The following TGFB1 variants were observed in gnomAD, a reference collection of about 807,000 sequenced individuals.
The protein encoded by TGFB1 is transforming growth factor beta-1 proprotein.
TGFB1 carries 19 observed loss-of-function variants against 43.8 expected under a neutral mutation model. That is an observed-to-expected ratio of 0.43 (90% confidence interval 0.30 to 0.64). The LOEUF (loss-of-function observed/expected upper bound fraction) is 0.64, where lower values mean the gene tolerates loss of function less well. Among genes scored for constraint, TGFB1 ranks in the 30% least tolerant of loss-of-function variants. TGFB1 has a pLI of 0.11. For missense variants in TGFB1, 445 were observed against 529.8 expected (o/e 0.84, Z 1.57); for synonymous variants, 221 against 236.3 (o/e 0.94, Z 0.60).
At chr19:41,352,354 C>G (rs1296084147) in intron 1 of TGFB1, among the ~76,000 whole-genome samples, 1 of 114,488 alleles carries the variant, frequency 8.7e-6, no homozygotes, top group African/African-American at 3.5e-5. Flanking sequence ...CCCCCCCCCC[C>G]ATTCAACGCG....
At position 41,341,859 on chromosome 19, in the gene TGFB1, CTCCA is replaced by C. The variant is rs1234076816; in HGVS notation, c.860+20_860+23del. On this transcript the variant is annotated intron_variant, in intron 5 of 6. Transcript: ENST00000221930. Reference sequence around the variant, plus strand: ...CAGTCATGCCCCCAGCCTGGAAGGCCTCCATCCAGGCTACAAGGCTCACCTGAAG... The same window carrying C: ...CAGTCATGCCCCCAGCCTGGAAGGCCTCCAGGCTACAAGGCTCACCTGAAG... The C allele has an allele frequency of 6.2e-7, 1 of 1,612,522 alleles. No individual in the cohort carries two copies. The highest frequency in any genetic ancestry group is 1.1e-5 in the South Asian group (1 of 91,006).
At chr19:41,348,540 C>T (rs2038144447) in intron 1 of TGFB1, 85 bp from the exon 2 acceptor site, 6 of 1,370,800 alleles carry the variant, frequency 4.4e-6, no homozygotes, top group East Asian at 2.4e-5. Flanking sequence ...AGTTTTGGAG[C>T]TGACAGCTCT....
Position 41,344,744 on chromosome 19 carries a change from C to T in TGFB1, c.634+3G>A, listed in dbSNP as rs749738315. ...AGGGGTGGGACACACAAGTAATCCT[C>T]ACCTCCACGGCTCAACCACTGCCGC... On this transcript the variant is annotated splice_donor_region_variant and intron_variant, in intron 3 of 6. Coordinates refer to ENST00000221930, the MANE Select transcript of TGFB1 (RefSeq NM_000660.7). 2 of 1,613,656 alleles carry T rather than the reference C, an allele frequency of 1.2e-6. No homozygotes were observed. The highest frequency in any genetic ancestry group is 1.7e-6 in the Non-Finnish European group (2 of 1,179,796).
At position 41,353,170 on chromosome 19, in the gene TGFB1, G is replaced by A; in HGVS notation, c.-126C>T. ...TAGGAGGGCCTCGAGGGAAAGCTGA[G>A]GTCCTCAGGGAGAAGGGCGCAGTGG... On this transcript the variant is annotated 5_prime_UTR_variant, in exon 1 of 7. Transcript: ENST00000221930. This position sits in a 1 kb window ranked among gnomAD's most constrained non-coding sequence, Gnocchi z 5.9. The A allele has an allele frequency of 2.4e-6, 3 of 1,252,788 alleles. No homozygotes were observed. Among genetic ancestry groups the A allele is most frequent in the South Asian group, 1.6e-5 (1 of 60,846 alleles). 77.6% of individuals were successfully genotyped at this position (1,252,788 alleles called of 1,614,324 possible).
chr19:41,342,100 C>A lies in TGFB1; in HGVS notation c.712+70G>T. 2.5e-6 allele frequency: 4 copies of A among 1,612,994 alleles called. No homozygotes were observed. The Admixed American group carries it at 5.0e-5, about 20-fold the overall frequency. The stretch of plus-strand genomic sequence containing the variant: ...CTCTCAGAGGGATAGATAAGTGGGG[C>A]GTGGGGCAGATGGGAACACACACAC... On this transcript the variant is annotated intron_variant, in intron 4 of 6. Coordinates refer to ENST00000221930, the MANE Select transcript of TGFB1 (RefSeq NM_000660.7).
intron 2 of TGFB1, among the ~76,000 whole-genome samples, chr19:41,346,355 A>G (rs2038116079): frequency 6.6e-6 from 1 of 152,148 alleles, no homozygotes; most frequent in Admixed American, 6.6e-5. Context: ...CATCACACAC[A>G]CACACAAAAA....
At chr19:41,343,368 A>G (rs1020221538) in intron 3 of TGFB1, among the ~76,000 whole-genome samples, 1 of 152,140 alleles carries the variant, frequency 6.6e-6, no homozygotes, top group Admixed American at 6.5e-5. Flanking sequence ...TCCCGATCTC[A>G]GGTGATCCAC....
intron 1 of TGFB1, 92 bp from the exon 2 acceptor site, chr19:41,348,547 C>G: frequency 8.1e-7 from 1 of 1,238,898 alleles, no homozygotes; most frequent in Non-Finnish European, 1.2e-6. Flanking sequence ...GAGCTGACAG[C>G]TCTGGGGTGG....
intron 2 of TGFB1, among the ~76,000 whole-genome samples, chr19:41,347,780 A>T (rs1185204304): frequency 8.9e-6 from 1 of 112,874 alleles, no homozygotes; most frequent in Admixed American, 9.3e-5. Flanking sequence ...GTGAGCCGAG[A>T]TCACCCCATT....
rs1377002724 is a variant in TGFB1, at chr19:41,331,172, C to T, written c.1053G>A (p.Ser351=). The T allele has an allele frequency of 3.9e-6, 6 of 1,551,140 alleles. No homozygotes were observed. In the South Asian group the frequency reaches 4.7e-5, roughly 12 times the overall value. The change falls in exon 7 of 7, where the codon TCG becomes TCA. Residue 351 remains serine, a synonymous_variant. Coordinates refer to ENST00000221930, the MANE Select transcript of TGFB1 (RefSeq NM_000660.7). The part of the protein sequence containing the change: ...ALYNQHNPGA[S]AAPCCVPQAL... Reference sequence around the variant, plus strand: ...CCTGCGGCACGCAGCACGGCGCCGCCGAGGCGCCCGGGTTATGCTGGTTGT... The same window carrying T: ...CCTGCGGCACGCAGCACGGCGCCGCTGAGGCGCCCGGGTTATGCTGGTTGT...
At chr19:41,344,616 G>T in intron 3 of TGFB1, 131 bp downstream of exon 3, 1 of 807,946 alleles carries the variant, frequency 1.2e-6, no homozygotes, top group East Asian at 2.6e-5. Context: ...CCATGCCACA[G>T]AGGGGAGCCA....
intron 3 of TGFB1, among the ~76,000 whole-genome samples, chr19:41,343,980 C>CTTTTTTTTT (rs3061192): frequency 4.1e-5 from 4 of 98,636 alleles, no homozygotes; most frequent in Non-Finnish European, 5.7e-5. Context: ...TGCCTGGAAT[C>CTTTTTTTTT]TTTTTTTTTT....
In TGFB1 at chr19:41,330,673, A is replaced by G. The variant is rs926940188; in HGVS notation, c.*379T>C. 1 of 179,482 alleles carries G rather than the reference A, an allele frequency of 5.6e-6. No individual in the cohort carries two copies. The highest frequency in any genetic ancestry group is 2.4e-5 in the African/African-American group (1 of 42,118). The allele number at this position is 179,482 out of a possible 1,614,324, so 11.1% of individuals were successfully genotyped here. ...TGTTATCAGAGTCCCTGCATCTCAG[A>G]GTGTTGCTATGGTGACTGAATGAGT... On this transcript the variant is annotated 3_prime_UTR_variant, in exon 7 of 7. Transcript: ENST00000221930.
intron 5 of TGFB1, among the ~76,000 whole-genome samples, chr19:41,333,426 G>A (rs907650055): frequency 3.3e-5 from 5 of 151,836 alleles, no homozygotes; most frequent in African/African-American, 1.2e-4. Context: ...TGTTGGCCAG[G>A]CTGGTCTCGA....
chr19:41,349,856 A>G (rs2038162752), intron 1 of TGFB1, among the ~76,000 whole-genome samples: 3 of 152,094 alleles, frequency 2.0e-5, no homozygotes, highest in Non-Finnish European at 1.5e-5. Context: ...ACAACCTTAT[A>G]CTATTATTAT....
intron 2 of TGFB1, among the ~76,000 whole-genome samples, chr19:41,347,853 G>T (rs1490921193): frequency 7.1e-6 from 1 of 139,936 alleles, no homozygotes; most frequent in South Asian, 2.3e-4. Flanking sequence ...AAAAAAAGAG[G>T]CCAGGCGCAG....
At chr19:41,348,616 T>TTTAA (rs1215444765) in intron 1 of TGFB1, among the ~76,000 whole-genome samples, 161 bp from the exon 2 acceptor site, 39 of 131,946 alleles carry the variant, frequency 3.0e-4, no homozygotes, top group Admixed American at 7.3e-4. Context: ...TATTTATTTA[T>TTTAA]TTAAATGAAT....
rs1361516519 is a variant in TGFB1 at position 41,349,937 on chromosome 19, C to G, written c.356-1482G>C. Among the ~76,000 whole-genome samples the G allele has an allele frequency of 2.6e-5, 4 of 151,954 alleles. No individual in the cohort carries two copies. In the East Asian group the frequency reaches 5.8e-4, roughly 22 times the overall value. ...TGCCCCAAGGTCACATAGCTGCAGACTGGGATTCAAACTCAAGCTGTCTCA... is the reference window on the plus strand; with the variant it reads ...TGCCCCAAGGTCACATAGCTGCAGAGTGGGATTCAAACTCAAGCTGTCTCA... On this transcript the variant is annotated intron_variant, in intron 1 of 6. Coordinates refer to ENST00000221930, the MANE Select transcript of TGFB1 (RefSeq NM_000660.7).
At position 41,340,259 on chromosome 19, in the gene TGFB1, T is replaced by C. The variant is rs1324679637; in HGVS notation, c.860+1624A>G. Reference sequence around the variant, plus strand: ...AAACTGACACTTTCTTTCTTTTTTTTTTTTTTTTTTTTTTTTAGATGGAGT... The same window carrying C: ...AAACTGACACTTTCTTTCTTTTTTTCTTTTTTTTTTTTTTTTAGATGGAGT... On this transcript the variant is annotated intron_variant, in intron 5 of 6. Transcript: ENST00000221930. 8.8e-3 allele frequency among the ~76,000 whole-genome samples: 485 copies of C among 54,910 alleles called. 3 individuals carry two copies. The highest frequency in any genetic ancestry group is 0.017 in the African/African-American group (451 of 25,894). 36.0% of individuals were successfully genotyped at this position (54,910 alleles called of 152,430 possible). A position where few individuals can be genotyped will look rare whatever the true frequency, so the allele number is the denominator to read the frequency against.
Sources: gnomAD v4.1 joint callset for allele counts (sites outside exome capture counted in the v4.1 genomes callset) on GRCh38, gnomAD v4.1.1 for gene constraint, Gnocchi (gnomAD v3.1) non-coding constraint, MANE v1.5 for transcripts, NCBI Gene and HGNC (gene_info 2026-07-23, HGNC 2026-07-21) for gene names.